Variants in KANK1 observed in about 807,000 individuals in gnomAD.
KANK1 encodes the protein KN motif and ankyrin repeat domain-containing protein 1.
KANK1 carries 109 observed loss-of-function variants against 106.2 expected under a neutral mutation model. The ratio of observed to expected loss-of-function variants is 1.03; its 90% confidence interval spans 0.88 to 1.20. The LOEUF (loss-of-function observed/expected upper bound fraction) is 1.20, where lower values mean the gene tolerates loss of function less well. Ranked by LOEUF, KANK1 falls within the 50% of genes most tolerant of loss-of-function variation. The pLI is 0.00. For synonymous variants in KANK1, 873 were observed against 652.2 expected, an observed-to-expected ratio of 1.34 and a Z score of -5.16; for missense variants, 2,399 against 1,710.7, an observed-to-expected ratio of 1.40 and a Z score of -7.10.
At chr9:528,469 C>CTTTTTTTTTTTTTTTTTTTTTT (rs36072780) in intron 1 of KANK1, among the ~76,000 whole-genome samples, 7 of 85,126 alleles carry the variant, frequency 8.2e-5, no homozygotes, top group Admixed American at 1.3e-4. Context: ...TAAAAAATAA[C>CTTTTTTTTTTTTTTTTTTTTTT]TTTTTTTTTT....
intron 3 of KANK1, among the ~76,000 whole-genome samples, chr9:494,146 G>T (rs2058423049): frequency 6.6e-6 from 1 of 152,070 alleles, no homozygotes; most frequent in African/African-American, 2.4e-5. Context: ...CTCCCAAAGT[G>T]CTGGGATTAC....
intron 2 of KANK1, among the ~76,000 whole-genome samples, chr9:702,425 C>A (rs1172320520): frequency 6.6e-6 from 1 of 152,124 alleles, no homozygotes; most frequent in Non-Finnish European, 1.5e-5. Context: ...GAGACTTTGT[C>A]CATTTTGTTC....
At chr9:552,914 G>A (rs1029894972) in intron 1 of KANK1, among the ~76,000 whole-genome samples, 3 of 152,180 alleles carry the variant, frequency 2.0e-5, no homozygotes, top group Admixed American at 1.3e-4. Context: ...GGAAGCCAAG[G>A]CAAGAGGATA....
chr9:630,987 A>G (rs781071243), intron 1 of KANK1, among the ~76,000 whole-genome samples: 8 of 152,120 alleles, frequency 5.3e-5, no homozygotes, highest in Admixed American at 3.9e-4. Flanking sequence ...GTGCTTAGTC[A>G]ATATCTGGTT....
At chr9:727,679 CATGTGTGTGTGTGTGTGT>C (rs1374833594) in intron 3 of KANK1, among the ~76,000 whole-genome samples, 7 of 121,836 alleles carry the variant, frequency 5.7e-5, no homozygotes, top group African/African-American at 1.2e-4. Context: ...GATAACTTTT[CATGTGTGTGTGTGTGTGT>C]GTGTGTGTGT....
At chr9:678,874 T>G (rs536349085) in intron 2 of KANK1, among the ~76,000 whole-genome samples, 1 of 152,180 alleles carries the variant, frequency 6.6e-6, no homozygotes, top group Admixed American at 6.5e-5. Flanking sequence ...CTCCATTTGC[T>G]TCCATTCACA....
At chr9:626,015 A>C (rs765045894) in intron 1 of KANK1, among the ~76,000 whole-genome samples, 2 of 152,112 alleles carry the variant, frequency 1.3e-5, no homozygotes, top group Non-Finnish European at 2.9e-5. Flanking sequence ...CCATTTGTGC[A>C]TTCTACAGCT....
intron 1 of KANK1, among the ~76,000 whole-genome samples, chr9:584,319 G>C (rs1822906384): frequency 6.6e-6 from 1 of 152,184 alleles, no homozygotes. Context: ...TTATGTTTAT[G>C]TGTCATGCAT....
chr9:691,392 ATG>A (rs200183488), intron 2 of KANK1, among the ~76,000 whole-genome samples: 1 of 150,060 alleles, frequency 6.7e-6, no homozygotes, highest in Non-Finnish European at 1.5e-5. Flanking sequence ...TTAAAATTGT[ATG>A]TGTGTGTGTG....
At chr9:475,971 G>A (rs2058095977) in intron 3 of KANK1, among the ~76,000 whole-genome samples, 1 of 151,706 alleles carries the variant, frequency 6.6e-6, no homozygotes, top group African/African-American at 2.4e-5. Flanking sequence ...TCCTACCTCA[G>A]CCTCCCGAGT....
intron 1 of KANK1, among the ~76,000 whole-genome samples, chr9:513,245 A>C (rs1265435211): frequency 2.0e-5 from 3 of 152,270 alleles, no homozygotes; most frequent in Admixed American, 2.0e-4. Context: ...TGAATGCTGG[A>C]AGCAAATGAT....
chr9:741,715 C>T (rs1192893533), intron 9 of KANK1, among the ~76,000 whole-genome samples: 1 of 152,034 alleles, frequency 6.6e-6, no homozygotes, highest in Non-Finnish European at 1.5e-5. Flanking sequence ...TCTTGATCTC[C>T]TGACCTCATG....
intron 3 of KANK1, among the ~76,000 whole-genome samples, chr9:474,683 A>C (rs1370483136): frequency 6.6e-6 from 1 of 151,986 alleles, no homozygotes; most frequent in African/African-American, 2.4e-5. Flanking sequence ...ACCCATGGCC[A>C]CTTTCCCTCA....
chr9:617,142 T>C (rs994470107), intron 1 of KANK1, among the ~76,000 whole-genome samples: 2 of 152,124 alleles, frequency 1.3e-5, no homozygotes, highest in African/African-American at 4.8e-5. Context: ...AAGGAATCAT[T>C]ATGTCTAATA....
At chr9:705,591 A>T (rs1172770682) in intron 2 of KANK1, among the ~76,000 whole-genome samples, 2 of 147,618 alleles carry the variant, frequency 1.4e-5, no homozygotes, top group African/African-American at 2.5e-5. Flanking sequence ...AAAAATGTAT[A>T]TTTTTTTTGG....
chr9:606,282 G>C (rs2804303), intron 1 of KANK1, among the ~76,000 whole-genome samples: 53,237 of 148,356 alleles, frequency 0.36, 12,394 homozygotes, highest in South Asian at 0.56. Context: ...GGGTGGTGGG[G>C]GCGGTGGCTC....
intron 1 of KANK1, among the ~76,000 whole-genome samples, chr9:580,140 G>T (rs1382199058): frequency 1.3e-5 from 2 of 152,166 alleles, no homozygotes; most frequent in East Asian, 3.8e-4. Flanking sequence ...CTGGCTTCAG[G>T]AGTGAAGCTG....
intron 1 of KANK1, among the ~76,000 whole-genome samples, chr9:576,273 C>G (rs558501819): frequency 6.6e-6 from 1 of 152,156 alleles, no homozygotes; most frequent in African/African-American, 2.4e-5. Flanking sequence ...TTTAAATGCT[C>G]AGGGCTGCTG....
rs36072780 is a variant in KANK1, at chr9:528,469, C to CTTTTTTTTTTTT, written c.-84+23734_-84+23745dup. On this transcript the variant is annotated intron_variant, in intron 1 of 11. Transcript: ENST00000382297. ...ACCATTTTACTGAATTAAAAAATAA[C>CTTTTTTTTTTTT]TTTTTTTTTTTTTTTTTTTTTTTTT... is the stretch of plus-strand genomic sequence containing the variant. 2.3e-4 allele frequency among the ~76,000 whole-genome samples: 20 copies of CTTTTTTTTTTTT among 85,124 alleles called. 1 individual carries two copies. The highest frequency in any genetic ancestry group is 3.4e-4 in the African/African-American group (8 of 23,624). The allele number at this position is 85,124 out of a possible 152,430, so 55.8% of individuals were successfully genotyped here.
Sources: allele counts gnomAD v4.1 joint callset (sites outside exome capture counted in the v4.1 genomes callset), GRCh38; gene constraint gnomAD v4.1.1; transcripts MANE v1.5; gene names NCBI Gene and HGNC (gene_info 2026-07-23, HGNC 2026-07-21).